Variants in REC114 observed in about 807,000 individuals in gnomAD.
REC114 encodes meiotic recombination protein REC114.
Under a neutral mutation model 31.3 loss-of-function variants are expected in REC114, and 27 were observed. The ratio of observed to expected loss-of-function variants is 0.86; its 90% CI spans 0.64 to 1.19. REC114 has a LOEUF of 1.19. Among genes scored for constraint, REC114 ranks in the 50% most tolerant of loss-of-function variants. The pLI, the probability that REC114 is intolerant of heterozygous loss-of-function variation, is 0.00. For missense variants in REC114, 344 were observed against 326.9 expected (o/e 1.05, Z -0.40); for synonymous variants, 134 against 127.7 (o/e 1.05, Z -0.33).
chr15:73,557,062 A>ATT (rs56187612), intron 5 of REC114, among the ~76,000 whole-genome samples: 17 of 137,150 alleles, frequency 1.2e-4, no homozygotes, highest in East Asian at 2.1e-4. Context: ...TTCAAGTATG[A>ATT]TTTTTTTTTT....
chr15:73,504,857 G>A (rs1893653789), intron 2 of REC114, among the ~76,000 whole-genome samples: 1 of 152,002 alleles, frequency 6.6e-6, no homozygotes, highest in Non-Finnish European at 1.5e-5. Flanking sequence ...TAAAAATATA[G>A]ATGTTTTATT....
chr15:73,478,861 G>T (rs1893253449), intron 2 of REC114, among the ~76,000 whole-genome samples: 1 of 152,088 alleles, frequency 6.6e-6, no homozygotes, highest in South Asian at 2.1e-4. Flanking sequence ...ATAGTTTGTT[G>T]CTGATGTTTA....
chr15:73,486,245 G>A (rs956220912), intron 2 of REC114, among the ~76,000 whole-genome samples: 6 of 152,062 alleles, frequency 3.9e-5, no homozygotes, highest in African/African-American at 9.7e-5. Context: ...TTGCAGGCAC[G>A]CACCACCATG....
chr15:73,509,195 GTGA>G (rs1378581721), intron 2 of REC114, among the ~76,000 whole-genome samples: 1 of 152,122 alleles, frequency 6.6e-6, no homozygotes, highest in Non-Finnish European at 1.5e-5. Context: ...CTGATGGCCA[GTGA>G]TGATGAGCAT....
intron 2 of REC114, among the ~76,000 whole-genome samples, chr15:73,511,770 A>T (rs1159018746): frequency 1.4e-5 from 2 of 146,370 alleles, no homozygotes; most frequent in Non-Finnish European, 3.0e-5. Context: ...GAGATTCTTA[A>T]TCCTGAGTTC....
intron 2 of REC114, among the ~76,000 whole-genome samples, chr15:73,539,541 T>C (rs1259707476): frequency 6.6e-6 from 1 of 150,648 alleles, no homozygotes; most frequent in Non-Finnish European, 1.5e-5. Context: ...TCTATGAAAG[T>C]TGCAACTTTC....
chr15:73,485,378 G>A (rs1326130942), intron 2 of REC114, among the ~76,000 whole-genome samples: 3 of 152,206 alleles, frequency 2.0e-5, no homozygotes, highest in South Asian at 2.1e-4. Context: ...CACCGTGCCC[G>A]GCCAACTGTT....
chr15:73,528,722 A>G (rs1382305034), intron 2 of REC114, among the ~76,000 whole-genome samples: 2 of 152,236 alleles, frequency 1.3e-5, no homozygotes, highest in Non-Finnish European at 2.9e-5. Context: ...TTATTTGTTT[A>G]TGTATTGTTT....
At chr15:73,548,912 C>T (rs1467463344) in intron 3 of REC114, among the ~76,000 whole-genome samples, 1 of 152,096 alleles carries the variant, frequency 6.6e-6, no homozygotes, top group Non-Finnish European at 1.5e-5. Context: ...TTATCCCTAG[C>T]AAACTAACAC....
At chr15:73,496,171 G>A (rs1893520288) in intron 2 of REC114, among the ~76,000 whole-genome samples, 1 of 151,458 alleles carries the variant, frequency 6.6e-6, no homozygotes, top group Admixed American at 6.6e-5. Context: ...GGCAAACATG[G>A]TGAAACTCCA....
intron 2 of REC114, among the ~76,000 whole-genome samples, chr15:73,518,022 T>C (rs1893884870): frequency 6.6e-6 from 1 of 152,258 alleles, no homozygotes; most frequent in Non-Finnish European, 1.5e-5. Flanking sequence ...ATGTTGAATA[T>C]TGCCGATGCT....
intron 2 of REC114, among the ~76,000 whole-genome samples, chr15:73,539,603 G>A (rs983148289): frequency 2.0e-5 from 3 of 151,432 alleles, no homozygotes; most frequent in African/African-American, 7.3e-5. Context: ...AATGGATAAG[G>A]GACTACATTT....
chr15:73,542,344 G>A (rs28694534), intron 3 of REC114, among the ~76,000 whole-genome samples: 3,738 of 141,014 alleles, frequency 0.027, 91 homozygotes, highest in Middle Eastern at 0.05. Flanking sequence ...AAAAAAAAAA[G>A]AAAAAAAAAA....
At chr15:73,523,853 T>C (rs1223279423) in intron 2 of REC114, among the ~76,000 whole-genome samples, 1 of 152,228 alleles carries the variant, frequency 6.6e-6, no homozygotes, top group Non-Finnish European at 1.5e-5. Context: ...TTATTTTTAG[T>C]TAATCTTTGT....
intron 2 of REC114, among the ~76,000 whole-genome samples, chr15:73,511,437 A>G (rs1168800737): frequency 6.6e-6 from 1 of 151,368 alleles, no homozygotes; most frequent in East Asian, 1.9e-4. Context: ...TTGTGTCTCT[A>G]TTTCCTTCAG....
intron 1 of REC114, among the ~76,000 whole-genome samples, chr15:73,458,447 A>G (rs757276604): frequency 2.6e-5 from 4 of 152,156 alleles, no homozygotes; most frequent in Non-Finnish European, 5.9e-5. Context: ...ATCAAGAGTT[A>G]TTATCCTTTC....
At chr15:73,463,752 CAG>C (rs1415473645) in intron 1 of REC114, among the ~76,000 whole-genome samples, 5 of 151,480 alleles carry the variant, frequency 3.3e-5, no homozygotes, top group Non-Finnish European at 7.4e-5. Context: ...ACCCACGAGA[CAG>C]AGGTTTCAGT....
At chr15:73,509,996 G>C (rs866829864) in intron 2 of REC114, among the ~76,000 whole-genome samples, 1,934 of 152,124 alleles carry the variant, frequency 0.013, 14 homozygotes, top group Non-Finnish European at 0.02. Context: ...TTGGTATCTT[G>C]ATGGGGATGG....
chr15:73,447,648 A>AAAAAAAAT (rs1555484357), intron 1 of REC114, among the ~76,000 whole-genome samples: 1 of 143,308 alleles, frequency 7.0e-6, no homozygotes, highest in African/African-American at 2.6e-5. Context: ...ACTCTGTCTC[A>AAAAAAAAT]AAATAAATAA....
Sources: gnomAD v4.1 joint callset for allele counts (sites outside exome capture counted in the v4.1 genomes callset) on GRCh38, gnomAD v4.1.1 for gene constraint, MANE v1.5 for transcripts, NCBI Gene and HGNC (gene_info 2026-07-23, HGNC 2026-07-21) for gene names.